The following PCDHA3 variants were observed in gnomAD, a reference collection of about 807,000 sequenced individuals.
PCDHA3 encodes protocadherin alpha 3.
A neutral mutation model predicts 62.2 loss-of-function variants in PCDHA3; 41 were observed. The ratio of observed to expected loss-of-function variants is 0.66; its 90% CI spans 0.51 to 0.86. The LOEUF (loss-of-function observed/expected upper bound fraction) is 0.86. Among genes scored for constraint, PCDHA3 ranks in the 40% least tolerant of loss-of-function variants. The probability of loss-of-function intolerance (pLI) is 0.00; values close to 1 mark genes in which losing one functional copy is unlikely to be tolerated. For synonymous variants in PCDHA3, 640 were observed against 555.4 expected, an observed-to-expected ratio of 1.15 and a Z score of -2.14; for missense variants, 1,304 against 1,241.2, an observed-to-expected ratio of 1.05 and a Z score of -0.76.
At chr5:140,970,331 T>C (rs1442466340) in intron 1 of PCDHA3, among the ~76,000 whole-genome samples, 1 of 152,210 alleles carries the variant, frequency 6.6e-6, no homozygotes, top group African/African-American at 2.4e-5. Context: ...TTCCAAAGCA[T>C]GCATTCATTT....
chr5:140,846,373 CTT>C (rs374699051), intron 1 of PCDHA3, among the ~76,000 whole-genome samples: 1,689 of 55,008 alleles, frequency 0.031, 26 homozygotes, highest in African/African-American at 0.077. Context: ...TTCTTTCTTT[CTT>C]TTTTTTTTTT....
intron 1 of PCDHA3, among the ~76,000 whole-genome samples, chr5:140,964,393 C>T (rs782008532): frequency 6.6e-6 from 1 of 152,098 alleles, no homozygotes; most frequent in Admixed American, 6.5e-5. Context: ...GTTTTTCTCC[C>T]AAGACATGAC....
chr5:140,884,479 C>T, intron 1 of PCDHA3: 1 of 1,613,914 alleles, frequency 6.2e-7, no homozygotes, highest in Non-Finnish European at 8.5e-7. Context: ...CGGGCAAGCC[C>T]ACTCTAGTGT....
At chr5:140,877,652 C>T (rs1456022709) in intron 1 of PCDHA3, 1 of 1,613,400 alleles carries the variant, frequency 6.2e-7, no homozygotes, top group Non-Finnish European at 8.5e-7. Context: ...TCAGCGCCGC[C>T]CACCGTGAGC....
intron 1 of PCDHA3, among the ~76,000 whole-genome samples, chr5:140,878,960 A>G (rs1028687741): frequency 6.6e-6 from 1 of 152,322 alleles, no homozygotes; most frequent in African/African-American, 2.4e-5. Context: ...GAAATGTATT[A>G]CCTGGACATT....
At chr5:140,926,987 G>A (rs782407289) in intron 1 of PCDHA3, 13 of 1,610,996 alleles carry the variant, frequency 8.1e-6, no homozygotes, top group Non-Finnish European at 1.1e-5. Flanking sequence ...GAGACGGAGC[G>A]GGGCGTAGCC....
chr5:140,842,170 C>T (rs1360420045), intron 1 of PCDHA3: 2 of 1,613,662 alleles, frequency 1.2e-6, no homozygotes, highest in African/African-American at 2.7e-5. Context: ...CTTTTAATAG[C>T]CTTGTTGAAA....
intron 1 of PCDHA3, chr5:140,877,743 G>A: frequency 6.2e-7 from 1 of 1,614,148 alleles, no homozygotes; most frequent in Non-Finnish European, 8.5e-7. Context: ...GGAGGCAGAG[G>A]GTGTGCTCTG....
chr5:140,898,138 T>C (rs1294129650), intron 1 of PCDHA3, among the ~76,000 whole-genome samples: 1 of 152,208 alleles, frequency 6.6e-6, no homozygotes, highest in African/African-American at 2.4e-5. Flanking sequence ...ATTTTGTAGG[T>C]TGCCTGTTCA....
At chr5:140,857,712 T>C (rs781941638) in intron 1 of PCDHA3, 3 of 1,597,298 alleles carry the variant, frequency 1.9e-6, no homozygotes, top group Admixed American at 1.7e-5. Context: ...GTGTTCGTGC[T>C]GGACGAGAAC....
rs898079440 is a variant in PCDHA3, at chr5:140,897,263, A to T, written c.2395-81686A>T. Among the ~76,000 whole-genome samples, 4 of 151,888 alleles carry T rather than the reference A, an allele frequency of 2.6e-5. No individual in the cohort carries two copies. The South Asian group carries it at 6.2e-4, about 24-fold the overall frequency. On this transcript the variant is annotated intron_variant, in intron 1 of 3. Transcript: ENST00000522353. Reference sequence around the variant, plus strand: ...TTAGTTACATATGTATACATGTGCCATGCTGGTGTGCTGCACCCATTAACT... The same window carrying T: ...TTAGTTACATATGTATACATGTGCCTTGCTGGTGTGCTGCACCCATTAACT...
chr5:140,941,191 T>TTTTTTC (rs1554213809), intron 1 of PCDHA3, among the ~76,000 whole-genome samples: 1 of 93,206 alleles, frequency 1.1e-5, no homozygotes, highest in African/African-American at 3.9e-5. Context: ...GCTTCTTTTT[T>TTTTTTC]TTTCTTTCTT....
At chr5:140,869,418 C>T in intron 1 of PCDHA3, 2 of 1,614,174 alleles carry the variant, frequency 1.2e-6, no homozygotes, top group Middle Eastern at 1.6e-4. Context: ...GCAGCATCCA[C>T]CTGGAGGTGA....
At chr5:140,958,098 G>A (rs1170347696) in intron 1 of PCDHA3, among the ~76,000 whole-genome samples, 4 of 152,088 alleles carry the variant, frequency 2.6e-5, no homozygotes, top group South Asian at 2.1e-4. Context: ...ACAATAGTGT[G>A]TAGAGTGTGG....
At chr5:140,857,327 C>G (rs1554149849) in intron 1 of PCDHA3, 1 of 1,598,614 alleles carries the variant, frequency 6.3e-7, no homozygotes, top group Non-Finnish European at 8.6e-7. Flanking sequence ...GGTGACCGCG[C>G]GGGACGGGGG....
intron 3 of PCDHA3, among the ~76,000 whole-genome samples, chr5:141,005,571 G>A (rs1053042213): frequency 4.0e-5 from 6 of 151,334 alleles, no homozygotes; most frequent in African/African-American, 4.9e-5. Context: ...GCATGGTGGC[G>A]CGTGCCTGTA....
intron 1 of PCDHA3, chr5:140,830,285 T>G (rs1554132709): frequency 6.2e-7 from 1 of 1,613,564 alleles, no homozygotes; most frequent in South Asian, 1.1e-5. Context: ...CGAGGGCGCG[T>G]GCACGGCGGA....
chr5:140,866,649 T>G (rs1554160460), intron 1 of PCDHA3: 4 of 152,162 alleles, frequency 2.6e-5, no homozygotes, highest in African/African-American at 9.6e-5. Context: ...AAAATTTATT[T>G]ATGTGTTTTC....
intron 1 of PCDHA3, chr5:140,816,924 A>G (rs1766027278): frequency 6.6e-6 from 1 of 152,074 alleles, no homozygotes; most frequent in Admixed American, 6.5e-5. Context: ...GATTCTGCTG[A>G]ATCCTATCAG....
Sources: allele counts gnomAD v4.1 joint callset (sites outside exome capture counted in the v4.1 genomes callset), GRCh38; gene constraint gnomAD v4.1.1; transcripts MANE v1.5; gene names NCBI Gene and HGNC (gene_info 2026-07-23, HGNC 2026-07-21).